XRRA1: variants seen among roughly 807,000 people sequenced by gnomAD.
XRRA1 encodes the protein X-ray radiation resistance-associated protein 1.
Under a neutral mutation model 80.2 loss-of-function variants are expected in XRRA1, and 69 were observed. The ratio of observed to expected loss-of-function variants is 0.86; its 90% CI spans 0.71 to 1.05. The LOEUF (loss-of-function observed/expected upper bound fraction) is 1.05. Among genes scored for constraint, XRRA1 ranks in the 50% least tolerant of loss-of-function variants. XRRA1 has a pLI of 0.00. For missense variants in XRRA1, 967 were observed against 976.4 expected (o/e 0.99, Z 0.13); for synonymous variants, 348 against 389.9 (o/e 0.89, Z 1.27).
At chr11:74,885,263 CAAA>C (rs2048740349) in intron 10 of XRRA1, among the ~76,000 whole-genome samples, 3 of 151,580 alleles carry the variant, frequency 2.0e-5, no homozygotes, top group African/African-American at 7.3e-5. Flanking sequence ...GACCCTGTCT[CAAA>C]GAAGAGAAAA....
rs1330173160 is a variant in XRRA1 at position 74,943,524 on chromosome 11, G to GGGGTGTGT, written c.-5+1493_-5+1494insACACACCC. Among the ~76,000 whole-genome samples the GGGGTGTGT allele has an allele frequency of 3.0e-3, 407 of 137,848 alleles. 3 individuals are homozygous for GGGGTGTGT. The highest frequency in any genetic ancestry group is 0.01 in the African/African-American group (377 of 37,366). The allele number at this position is 137,848 out of a possible 152,430, so 90.4% of individuals were successfully genotyped here. A position where few individuals can be genotyped will look rare whatever the true frequency, so the allele number is the denominator to read the frequency against. On this transcript the variant is annotated intron_variant, in intron 2 of 18. Coordinates refer to ENST00000684022, the MANE Select transcript of XRRA1 (RefSeq NM_001378157.1). ...GGAGGCGAGGGGAAGAGAGTAGGAG[G>GGGGTGTGT]GTGTGTGTGTGTGTGTGTGTGTGTG...
chr11:74,915,550 T>C (rs1353671098), intron 8 of XRRA1, among the ~76,000 whole-genome samples: 1 of 152,166 alleles, frequency 6.6e-6, no homozygotes, highest in Non-Finnish European at 1.5e-5. Context: ...ACCCCTAATA[T>C]GGCACCGAAT....
intron 10 of XRRA1, among the ~76,000 whole-genome samples, chr11:74,895,576 G>A (rs1257861698): frequency 1.3e-5 from 2 of 152,222 alleles, no homozygotes; most frequent in African/African-American, 4.8e-5. Context: ...ACATGACCTA[G>A]AGAGACACCA....
rs376459852 is a variant in XRRA1 at position 74,933,815 on chromosome 11, G to C, written c.337C>G (p.Leu113Val). The change falls in exon 5 of 19, where the codon CTG (leucine) becomes GTG (valine). Residue 113 changes from leucine to valine, a missense_variant. By Grantham distance (32) the Leu-to-Val change is conservative. Coordinates refer to ENST00000684022, the MANE Select transcript of XRRA1 (RefSeq NM_001378157.1). ...GCTGACCTCACCTTGGAGAACTTCA[G>C]GCCACTCACATTAATGGTGCACAGA... ...SDLCTINVSG[L>V]KFSKAKENDF... 4.6e-5 allele frequency: 74 copies of C among 1,597,180 alleles called. No homozygotes were observed. The highest frequency in any genetic ancestry group is 8.7e-5 in the Admixed American group (5 of 57,742).
At chr11:74,889,509 A>C (rs1016426043) in intron 10 of XRRA1, among the ~76,000 whole-genome samples, 5 of 152,234 alleles carry the variant, frequency 3.3e-5, no homozygotes, top group South Asian at 2.1e-4. Flanking sequence ...CGAGCAAAAT[A>C]ACCAGCTAAC....
chr11:74,876,826 AC>A (rs2046147689), intron 10 of XRRA1: 1 of 152,192 alleles, frequency 6.6e-6, no homozygotes, highest in African/African-American at 2.4e-5. Context: ...TCCCACTCCT[AC>A]CTTATCAGAT....
chr11:74,915,956 T>C (rs1365281374), intron 8 of XRRA1, among the ~76,000 whole-genome samples: 1 of 152,218 alleles, frequency 6.6e-6, no homozygotes, highest in East Asian at 1.9e-4. Context: ...TTGACAGGTT[T>C]TTTTTTCTTT....
intron 14 of XRRA1, 21 bp downstream of exon 14, chr11:74,851,067 G>A: frequency 6.3e-7 from 1 of 1,592,558 alleles, no homozygotes; most frequent in Non-Finnish European, 8.6e-7. Flanking sequence ...GGGGGTGGGA[G>A]TCCTGCCTTG....
In XRRA1 at chr11:74,845,214, C is replaced by T; in HGVS notation, c.1786G>A (p.Asp596Asn). Residue 596 changes from aspartate to asparagine, a missense_variant, in exon 16 of 19, where the codon GAC becomes AAC. By Grantham distance (23) the Asp-to-Asn change is conservative. Coordinates refer to ENST00000684022, the MANE Select transcript of XRRA1 (RefSeq NM_001378157.1). The stretch of plus-strand genomic sequence containing the variant: ...GGTGCCGTTGGTGGTTTCTTTTGGT[C>T]TTTCTCCTTTAACTCTAAATCATCC... ...HKDDLELKEK[D>N]QKKPPTAPRE... 1.9e-6 allele frequency: 3 copies of T among 1,614,054 alleles called. No homozygotes were observed. The highest frequency in any genetic ancestry group is 2.7e-5 in the African/African-American group (2 of 75,070).
At chr11:74,901,958 G>C (rs565668544) in intron 10 of XRRA1, among the ~76,000 whole-genome samples, 38 of 152,006 alleles carry the variant, frequency 2.5e-4, no homozygotes, top group African/African-American at 8.5e-4. Context: ...TACAACAAAG[G>C]AAATAATCAA....
intron 1 of XRRA1, among the ~76,000 whole-genome samples, chr11:74,945,593 G>C (rs1591684574): frequency 9.0e-6 from 1 of 111,220 alleles, no homozygotes; most frequent in Admixed American, 9.0e-5. Flanking sequence ...TACAACTAAT[G>C]GGCCAAGAAG....
At chr11:74,940,205 A>G (rs141864276) in intron 3 of XRRA1, among the ~76,000 whole-genome samples, 49 of 152,334 alleles carry the variant, frequency 3.2e-4, no homozygotes, top group Admixed American at 3.1e-3. Context: ...TGCTCCAGGG[A>G]AGTTTTTAAC....
intron 12 of XRRA1, among the ~76,000 whole-genome samples, chr11:74,853,527 G>A (rs2040397757): frequency 6.6e-6 from 1 of 152,052 alleles, no homozygotes; most frequent in Non-Finnish European, 1.5e-5. Flanking sequence ...CCATCTAACA[G>A]GATACATAGG....
chr11:74,891,390 G>A (rs1200677211), intron 10 of XRRA1, among the ~76,000 whole-genome samples: 1 of 152,150 alleles, frequency 6.6e-6, no homozygotes, highest in Non-Finnish European at 1.5e-5. Flanking sequence ...ATTAGGTATT[G>A]ATTGGACATA....
At chr11:74,849,063 C>T (rs1174811430) in intron 14 of XRRA1, among the ~76,000 whole-genome samples, 1 of 152,204 alleles carries the variant, frequency 6.6e-6, no homozygotes, top group Admixed American at 6.5e-5. Context: ...AGCCTGTGAC[C>T]ATTCTCCCTC....
At chr11:74,873,749 G>T (rs1172480129) in intron 10 of XRRA1, among the ~76,000 whole-genome samples, 1 of 152,140 alleles carries the variant, frequency 6.6e-6, no homozygotes, top group Non-Finnish European at 1.5e-5. Context: ...ATCAAGCTTT[G>T]CCAAACCTCA....
chr11:74,848,802 T>C (rs918746163), intron 14 of XRRA1, among the ~76,000 whole-genome samples: 1 of 152,206 alleles, frequency 6.6e-6, no homozygotes, highest in South Asian at 2.1e-4. Context: ...CCAGGCTTCA[T>C]GCTGCATCCC....
At chr11:74,939,606 T>C (rs116168684) in intron 3 of XRRA1, among the ~76,000 whole-genome samples, 1,552 of 152,266 alleles carry the variant, frequency 0.01, 29 homozygotes, top group African/African-American at 0.033. Flanking sequence ...CAACTTGTAT[T>C]TTTTCTGCCC....
intron 2 of XRRA1, among the ~76,000 whole-genome samples, chr11:74,944,217 G>C (rs1947015669): frequency 6.6e-6 from 1 of 152,164 alleles, no homozygotes; most frequent in South Asian, 2.1e-4. Flanking sequence ...GAATTTCCAA[G>C]TCTGGAAACA....
Sources: gnomAD v4.1 joint callset for allele counts (sites outside exome capture counted in the v4.1 genomes callset) on GRCh38, gnomAD v4.1.1 for gene constraint, MANE v1.5 for transcripts, NCBI Gene and HGNC (gene_info 2026-07-23, HGNC 2026-07-21) for gene names.